MCC: variants seen among roughly 807,000 people sequenced by gnomAD.
MCC encodes MCC regulator of Wnt signaling pathway.
Under a neutral mutation model 116.2 loss-of-function variants are expected in MCC, and 90 were observed. The observed-to-expected ratio is 0.77, with a 90% CI of 0.65 to 0.92. The LOEUF is 0.92. MCC is among the 40% of genes least tolerant of loss of function. The pLI, the probability that MCC is intolerant of heterozygous loss-of-function variation, is 0.00. For missense variants in MCC, 1,516 were observed against 1,312.2 expected (o/e 1.16, Z -2.40); for synonymous variants, 578 against 510.5 (o/e 1.13, Z -1.78).
chr5:113,280,963 G>C (rs934156516), intron 3 of MCC, among the ~76,000 whole-genome samples: 2 of 152,168 alleles, frequency 1.3e-5, no homozygotes, highest in African/African-American at 4.8e-5. Flanking sequence ...GGCTTCTTCA[G>C]TTCCCTTCCC....
chr5:113,033,398 T>C (rs1751098523), intron 17 of MCC, among the ~76,000 whole-genome samples: 1 of 152,188 alleles, frequency 6.6e-6, no homozygotes, highest in South Asian at 2.1e-4. Context: ...AAGTCTACAG[T>C]TTTCCTCAGA....
chr5:113,222,118 T>C (rs1340130503), intron 3 of MCC, among the ~76,000 whole-genome samples: 2 of 152,248 alleles, frequency 1.3e-5, no homozygotes, highest in African/African-American at 4.8e-5. Flanking sequence ...TTGAGGGTTT[T>C]AATTTTAAAT....
At chr5:113,185,587 G>C (rs1484415942) in intron 3 of MCC, among the ~76,000 whole-genome samples, 1 of 152,160 alleles carries the variant, frequency 6.6e-6, no homozygotes, top group African/African-American at 2.4e-5. Flanking sequence ...TGACAAAAAG[G>C]TAAGAAAGAG....
intron 17 of MCC, among the ~76,000 whole-genome samples, chr5:113,033,317 A>T (rs1751093570): frequency 6.6e-6 from 1 of 152,210 alleles, no homozygotes. Context: ...CCTGAGGATG[A>T]GCTTCAGTTA....
At chr5:113,311,857 C>T (rs1314594953) in intron 3 of MCC, among the ~76,000 whole-genome samples, 2 of 152,052 alleles carry the variant, frequency 1.3e-5, no homozygotes, top group African/African-American at 4.8e-5. Context: ...CCTATAATCC[C>T]AGCACTTTGG....
chr5:113,273,631 T>C (rs758514597), intron 3 of MCC, among the ~76,000 whole-genome samples: 6 of 152,160 alleles, frequency 3.9e-5, no homozygotes, highest in Non-Finnish European at 8.8e-5. Flanking sequence ...GTGTAGAGAC[T>C]AAATGCAATA....
At chr5:113,139,268 T>G (rs1759033290) in intron 5 of MCC, among the ~76,000 whole-genome samples, 1 of 152,218 alleles carries the variant, frequency 6.6e-6, no homozygotes, top group African/African-American at 2.4e-5. Context: ...CTAGCAAAGT[T>G]CTGGCATTTC....
At chr5:113,108,349 A>G (rs1323248343) in intron 6 of MCC, among the ~76,000 whole-genome samples, 3 of 148,912 alleles carry the variant, frequency 2.0e-5, no homozygotes, top group Admixed American at 6.7e-5. Flanking sequence ...AAAAAAAAAA[A>G]AAAAAAAAAA....
intron 3 of MCC, among the ~76,000 whole-genome samples, chr5:113,290,089 A>C (rs1221003862): frequency 6.6e-6 from 1 of 152,236 alleles, no homozygotes; most frequent in Non-Finnish European, 1.5e-5. Flanking sequence ...CACACAAGAT[A>C]ATCTAGGTAG....
intron 5 of MCC, among the ~76,000 whole-genome samples, chr5:113,142,814 A>T (rs62372712): frequency 6.6e-6 from 1 of 152,226 alleles, no homozygotes; most frequent in African/African-American, 2.4e-5. Flanking sequence ...CACAGTTTGC[A>T]TATTTAGTAT....
At chr5:113,087,126 C>T (rs1416967372) in intron 8 of MCC, among the ~76,000 whole-genome samples, 1 of 152,202 alleles carries the variant, frequency 6.6e-6, no homozygotes, top group Non-Finnish European at 1.5e-5. Context: ...CACATGGCCC[C>T]TTCTCTAAAA....
At chr5:113,419,681 C>T (rs1418445799) in intron 1 of MCC, among the ~76,000 whole-genome samples, 3 of 151,686 alleles carry the variant, frequency 2.0e-5, no homozygotes, top group African/African-American at 2.4e-5. Context: ...CCATGGAATA[C>T]TATGCAGCCA....
intron 2 of MCC, among the ~76,000 whole-genome samples, chr5:113,383,483 A>T (rs1171374308): frequency 1.3e-5 from 2 of 152,234 alleles, no homozygotes; most frequent in African/African-American, 2.4e-5. Context: ...AATATGCAGA[A>T]GATATGTGGA....
At chr5:113,031,420 C>T (rs1315885979) in intron 17 of MCC, among the ~76,000 whole-genome samples, 1 of 151,856 alleles carries the variant, frequency 6.6e-6, no homozygotes, top group Admixed American at 6.6e-5. Flanking sequence ...ACCCGCCCCC[C>T]AACACCTCCT....
At chr5:113,433,833 G>A in intron 1 of MCC, 1 of 1,614,024 alleles carries the variant, frequency 6.2e-7, no homozygotes, top group Non-Finnish European at 8.5e-7. Flanking sequence ...CGACTGCCTG[G>A]ACATTTGCAT....
At chr5:113,177,178 C>G (rs1049913648) in intron 3 of MCC, among the ~76,000 whole-genome samples, 1 of 152,080 alleles carries the variant, frequency 6.6e-6, no homozygotes, top group African/African-American at 2.4e-5. Context: ...CCTCCTAGTT[C>G]CCATAAAGCT....
intron 2 of MCC, among the ~76,000 whole-genome samples, chr5:113,364,707 T>C (rs1768642732): frequency 6.6e-6 from 1 of 152,348 alleles, no homozygotes; most frequent in East Asian, 1.9e-4. Context: ...GGCTTTTCCA[T>C]ACATCCTTTG....
intron 1 of MCC, among the ~76,000 whole-genome samples, chr5:113,398,639 G>C (rs1368251825): frequency 1.3e-5 from 2 of 152,200 alleles, no homozygotes; most frequent in African/African-American, 4.8e-5. Context: ...GGGTACACAT[G>C]CACATAAAGA....
intron 7 of MCC, among the ~76,000 whole-genome samples, chr5:113,103,559 CCA>C (rs1756558877): frequency 6.6e-6 from 1 of 152,232 alleles, no homozygotes; most frequent in African/African-American, 2.4e-5. Context: ...CCTTGTGACA[CCA>C]CAGTTCTTTT....
Sources: gnomAD v4.1 joint callset for allele counts (sites outside exome capture counted in the v4.1 genomes callset) on GRCh38, gnomAD v4.1.1 for gene constraint, MANE v1.5 for transcripts, NCBI Gene and HGNC (gene_info 2026-07-23, HGNC 2026-07-21) for gene names.